Variants in LYPD6B observed in about 807,000 individuals in gnomAD.
The protein encoded by LYPD6B is ly6/PLAUR domain-containing protein 6B.
Under a neutral mutation model 22.8 loss-of-function variants are expected in LYPD6B, and 17 were observed. That is an observed-to-expected ratio of 0.75 (90% CI 0.51 to 1.12). The LOEUF (loss-of-function observed/expected upper bound fraction) is 1.12, where lower values mean the gene tolerates loss of function less well. LYPD6B is among the 50% of genes most tolerant of loss of function. The pLI is 0.00. For synonymous variants in LYPD6B, 106 were observed against 91.6 expected (o/e 1.16, Z -0.90); for missense variants, 221 against 258.3 (o/e 0.86, Z 0.99).
At chr2:149,059,063 C>T (rs1683944651) in intron 1 of LYPD6B, among the ~76,000 whole-genome samples, 1 of 152,212 alleles carries the variant, frequency 6.6e-6, no homozygotes, top group Non-Finnish European at 1.5e-5. Context: ...TAGGTATTGC[C>T]AGGCCACGGA....
chr2:149,212,243 G>A (rs895010739), intron 5 of LYPD6B, among the ~76,000 whole-genome samples: 6 of 151,316 alleles, frequency 4.0e-5, no homozygotes, highest in South Asian at 2.1e-4. Context: ...TTAGCCAGGC[G>A]TGGTGGCGGG....
chr2:149,212,380 CAAAA>C lies in LYPD6B; in HGVS notation c.329-591_329-588del, dbSNP rs386391473. On this transcript the variant is annotated intron_variant, in intron 5 of 6. Transcript: ENST00000409642. ...CTGGGGACAGAGTAAGACTCCGTCT[CAAAA>C]AAAAAAAAAAAAAAAAAAAAGAAAT... is the stretch of plus-strand genomic sequence containing the variant. Among the ~76,000 whole-genome samples, 547 of 60,096 alleles carry C rather than the reference CAAAA, an allele frequency of 9.1e-3. 2 individuals are homozygous for C. Among genetic ancestry groups the C allele is most frequent in the African/African-American group, 0.036 (485 of 13,294 alleles). The allele number at this position is 60,096 out of a possible 152,430, so 39.4% of individuals were successfully genotyped here.
chr2:149,060,863 C>T (rs1326805241), intron 1 of LYPD6B, among the ~76,000 whole-genome samples: 1 of 152,164 alleles, frequency 6.6e-6, no homozygotes, highest in African/African-American at 2.4e-5. Context: ...TCCTGATCTG[C>T]ATCTTTGTAG....
chr2:149,107,491 C>T (rs552359880), intron 1 of LYPD6B, among the ~76,000 whole-genome samples: 1 of 152,204 alleles, frequency 6.6e-6, no homozygotes, highest in Non-Finnish European at 1.5e-5. Context: ...GGGGGGACTA[C>T]TGCATAGATA....
intron 1 of LYPD6B, among the ~76,000 whole-genome samples, chr2:149,059,955 G>C (rs1287961801): frequency 6.6e-6 from 1 of 152,158 alleles, no homozygotes; most frequent in Non-Finnish European, 1.5e-5. Context: ...GTGTGAGGGA[G>C]TTGGTGGATT....
intron 2 of LYPD6B, 27 bp downstream of exon 2, chr2:149,130,980 T>C (rs747918973): frequency 6.5e-7 from 1 of 1,526,920 alleles, no homozygotes; most frequent in South Asian, 1.1e-5. Flanking sequence ...CAAGTGGATG[T>C]AGAGAAGATA....
chr2:149,050,663 C>T (rs1208916146), intron 1 of LYPD6B, among the ~76,000 whole-genome samples: 4 of 152,174 alleles, frequency 2.6e-5, no homozygotes, highest in East Asian at 1.9e-4. Flanking sequence ...ATTAGTGTTA[C>T]TGAGAAATGT....
At chr2:149,177,701 G>A (rs1311178972) in intron 3 of LYPD6B, among the ~76,000 whole-genome samples, 3 of 152,150 alleles carry the variant, frequency 2.0e-5, no homozygotes, top group Non-Finnish European at 4.4e-5. Flanking sequence ...TCCATGCAAT[G>A]AGCAACTTTA....
chr2:149,090,084 G>T (rs1440156171), intron 1 of LYPD6B, among the ~76,000 whole-genome samples: 1 of 152,092 alleles, frequency 6.6e-6, no homozygotes, highest in Non-Finnish European at 1.5e-5. Flanking sequence ...TATTGGAAGG[G>T]TCAGTAAATT....
chr2:149,126,191 A>G (rs1422737642), intron 1 of LYPD6B, among the ~76,000 whole-genome samples: 5 of 152,268 alleles, frequency 3.3e-5, no homozygotes, highest in Admixed American at 6.5e-5. Flanking sequence ...CTGCCTTCAT[A>G]ATATTGTGGT....
chr2:149,067,740 G>A, intron 1 of LYPD6B, among the ~76,000 whole-genome samples: 1 of 151,746 alleles, frequency 6.6e-6, no homozygotes. Flanking sequence ...GAAGATTCCT[G>A]GTATAATCAT....
chr2:149,208,971 A>T (rs573060726), intron 5 of LYPD6B, among the ~76,000 whole-genome samples: 8 of 152,224 alleles, frequency 5.3e-5, no homozygotes, highest in Non-Finnish European at 1.2e-4. Context: ...TGCCACGTGG[A>T]GATCTGTGGG....
intron 1 of LYPD6B, among the ~76,000 whole-genome samples, chr2:149,073,275 G>A (rs2105365483): frequency 6.6e-6 from 1 of 152,320 alleles, no homozygotes; most frequent in Admixed American, 6.5e-5. Context: ...CATTGCTGAT[G>A]TGGGCAGAGG....
intron 1 of LYPD6B, among the ~76,000 whole-genome samples, chr2:149,046,574 G>A (rs966119527): frequency 1.8e-4 from 28 of 151,760 alleles, no homozygotes; most frequent in African/African-American, 6.0e-4. Context: ...GTACAGTGGC[G>A]CAATCTTGGC....
intron 3 of LYPD6B, among the ~76,000 whole-genome samples, chr2:149,179,160 A>G (rs868272875): frequency 6.6e-6 from 1 of 152,136 alleles, no homozygotes; most frequent in Non-Finnish European, 1.5e-5. Context: ...TTCAGGAGGA[A>G]CCCAAAGGGA....
At chr2:149,165,685 C>A (rs572354273) in intron 3 of LYPD6B, among the ~76,000 whole-genome samples, 2 of 152,150 alleles carry the variant, frequency 1.3e-5, no homozygotes, top group African/African-American at 4.8e-5. Flanking sequence ...AGGCACAGAG[C>A]GGTTAAGCAA....
Position 149,184,696 on chromosome 2 carries a change from T to C in LYPD6B, c.78-20557T>C, listed in dbSNP as rs1407704715. 3.9e-5 allele frequency among the ~76,000 whole-genome samples: 6 copies of C among 152,212 alleles called. No homozygotes were observed. In the East Asian group the frequency reaches 9.6e-4, roughly 24 times the overall value. On this transcript the variant is annotated intron_variant, in intron 3 of 6. Coordinates refer to ENST00000409642, the MANE Select transcript of LYPD6B (RefSeq NM_177964.5). ...TTTGACATCAGCTTGGTACTTTTCT[T>C]CTGCACTCCAACCTCTGTCTCTTTC...
intron 3 of LYPD6B, among the ~76,000 whole-genome samples, chr2:149,178,175 G>A (rs1445409896): frequency 1.3e-5 from 2 of 152,082 alleles, no homozygotes; most frequent in Non-Finnish European, 2.9e-5. Flanking sequence ...TGTTCCATTA[G>A]GGGCCAGAGG....
At chr2:149,188,127 T>G (rs1260965048) in intron 3 of LYPD6B, among the ~76,000 whole-genome samples, 1 of 152,228 alleles carries the variant, frequency 6.6e-6, no homozygotes, top group East Asian at 1.9e-4. Context: ...TAGTTTCTTT[T>G]GCTCACCTGT....
Sources: allele counts gnomAD v4.1 joint callset (sites outside exome capture counted in the v4.1 genomes callset), GRCh38; gene constraint gnomAD v4.1.1; transcripts MANE v1.5; gene names NCBI Gene and HGNC (gene_info 2026-07-23, HGNC 2026-07-21).